GRIP1: variants seen among roughly 807,000 people sequenced by gnomAD.
GRIP1 encodes the protein glutamate receptor interacting protein 1.
In GRIP1, 45 loss-of-function variants were observed where a neutral mutation model predicts 129.9. That is an observed-to-expected ratio of 0.35 (90% CI 0.27 to 0.44). The LOEUF (loss-of-function observed/expected upper bound fraction) is 0.44. Among genes scored for constraint, GRIP1 ranks in the 20% least tolerant of loss-of-function variants. The probability of loss-of-function intolerance (pLI) is 1.00; values close to 1 mark genes in which losing one functional copy is unlikely to be tolerated. For missense variants in GRIP1, 1,196 were observed against 1,396.8 expected (o/e 0.86, Z 2.29); for synonymous variants, 530 against 520.8 (o/e 1.02, Z -0.24).
intron 1 of GRIP1, among the ~76,000 whole-genome samples, chr12:66,685,014 CT>C (rs1337413155): frequency 6.6e-6 from 1 of 152,148 alleles, no homozygotes; most frequent in African/African-American, 2.4e-5. Flanking sequence ...CTTCCATGAG[CT>C]CACTACATCA....
At chr12:66,525,141 A>G (rs1382162791) in intron 5 of GRIP1, among the ~76,000 whole-genome samples, 1 of 152,242 alleles carries the variant, frequency 6.6e-6, no homozygotes, top group East Asian at 1.9e-4. Context: ...AATTATTCCA[A>G]TCAATAGAAA....
intron 23 of GRIP1, among the ~76,000 whole-genome samples, chr12:66,368,711 C>T (rs1166929602): frequency 6.6e-6 from 1 of 152,180 alleles, no homozygotes; most frequent in Non-Finnish European, 1.5e-5. Flanking sequence ...TAGTAGTACC[C>T]CAGGGGAAGA....
intron 1 of GRIP1, among the ~76,000 whole-genome samples, chr12:66,905,989 G>A (rs765323808): frequency 1.3e-5 from 2 of 151,838 alleles, no homozygotes; most frequent in Non-Finnish European, 2.9e-5. Flanking sequence ...TTCTCGATGT[G>A]TAAAACAAAA....
intron 1 of GRIP1, among the ~76,000 whole-genome samples, chr12:66,734,188 T>C (rs903006558): frequency 6.6e-6 from 1 of 152,204 alleles, no homozygotes; most frequent in Admixed American, 6.5e-5. Context: ...ATCATTAAGG[T>C]TGTGTCAGCA....
intron 1 of GRIP1, among the ~76,000 whole-genome samples, chr12:66,917,857 C>A (rs1366229347): frequency 6.6e-6 from 1 of 152,054 alleles, no homozygotes; most frequent in Non-Finnish European, 1.5e-5. Flanking sequence ...TTACACTCCG[C>A]CATCTATCTC....
intron 1 of GRIP1, among the ~76,000 whole-genome samples, chr12:66,978,853 C>A (rs1054991526): frequency 1.3e-5 from 2 of 152,096 alleles, no homozygotes; most frequent in African/African-American, 4.8e-5. Flanking sequence ...TAACCAAGTT[C>A]TTTCTTAAAT....
chr12:66,966,137 A>G (rs2041995830), intron 1 of GRIP1, among the ~76,000 whole-genome samples: 1 of 152,208 alleles, frequency 6.6e-6, no homozygotes, highest in African/African-American at 2.4e-5. Context: ...TATATTTATA[A>G]GGAGAAATCA....
chr12:66,824,860 A>G (rs1307258261), intron 1 of GRIP1, among the ~76,000 whole-genome samples: 1 of 152,204 alleles, frequency 6.6e-6, no homozygotes, highest in Non-Finnish European at 1.5e-5. Context: ...ACAAAATCAT[A>G]TAATAAAAAA....
At chr12:67,066,888 T>TATATATATATATATATA (rs2043635570) in intron 1 of GRIP1, among the ~76,000 whole-genome samples, 4 of 125,660 alleles carry the variant, frequency 3.2e-5, no homozygotes, top group Non-Finnish European at 6.6e-5. Flanking sequence ...AAATATATAT[T>TATATATATATATATATA]TATATATATA....
intron 1 of GRIP1, among the ~76,000 whole-genome samples, chr12:66,826,912 G>A (rs1301938787): frequency 3.3e-5 from 5 of 151,972 alleles, no homozygotes; most frequent in African/African-American, 7.3e-5. Context: ...ATCAAAGAGA[G>A]TATTGGTAGA....
At chr12:67,023,877 C>A (rs141826007) in intron 1 of GRIP1, among the ~76,000 whole-genome samples, 1 of 152,106 alleles carries the variant, frequency 6.6e-6, no homozygotes. Context: ...AGCTAGTTCC[C>A]TCTTTTATAT....
intron 15 of GRIP1, among the ~76,000 whole-genome samples, chr12:66,408,128 G>A (rs971598198): frequency 2.6e-5 from 4 of 152,196 alleles, no homozygotes; most frequent in African/African-American, 9.7e-5. Flanking sequence ...TGAAGGGAAG[G>A]ACCCAGTCCT....
At chr12:66,999,924 G>A (rs773500634) in intron 1 of GRIP1, among the ~76,000 whole-genome samples, 3 of 152,034 alleles carry the variant, frequency 2.0e-5, no homozygotes, top group Non-Finnish European at 2.9e-5. Context: ...TTTTTCTCAC[G>A]CTGTTCTCCT....
intron 2 of GRIP1, among the ~76,000 whole-genome samples, chr12:66,580,249 T>C (rs2063321527): frequency 6.6e-6 from 1 of 150,564 alleles, no homozygotes; most frequent in Non-Finnish European, 1.5e-5. Flanking sequence ...AAAGAGCTCC[T>C]GAAGGAAGCA....
chr12:66,392,855 C>A, intron 17 of GRIP1, 39 bp from the exon 18 acceptor site: 3 of 1,589,396 alleles, frequency 1.9e-6, no homozygotes, highest in Non-Finnish European at 2.6e-6. Flanking sequence ...TAGAAATAAT[C>A]CCTGTATGGT....
chr12:66,904,886 G>A (rs1365174113), intron 1 of GRIP1, among the ~76,000 whole-genome samples: 2 of 135,278 alleles, frequency 1.5e-5, no homozygotes, highest in East Asian at 2.4e-4. Context: ...ATGAGACTCC[G>A]TCTCAAAAAA....
At chr12:66,474,873 C>G (rs1425836732) in intron 7 of GRIP1, among the ~76,000 whole-genome samples, 1 of 152,182 alleles carries the variant, frequency 6.6e-6, no homozygotes, top group East Asian at 1.9e-4. Context: ...ACTGCAAAAA[C>G]ATGCCAAATT....
chr12:66,815,854 T>TTCTTTCTTTCTTTCTTTCTC (rs1555241802), intron 1 of GRIP1, among the ~76,000 whole-genome samples: 2,180 of 116,652 alleles, frequency 0.019, 34 homozygotes, highest in East Asian at 0.032. Flanking sequence ...CTTTCTTTCT[T>TTCTTTCTTTCTTTCTTTCTC]TCTCTCTCTC....
intron 1 of GRIP1, among the ~76,000 whole-genome samples, chr12:67,032,409 A>G (rs964129544): frequency 3.9e-5 from 6 of 152,136 alleles, no homozygotes; most frequent in Admixed American, 3.3e-4. Context: ...ACTCTTACCT[A>G]CAATAATAGA....
Sources: allele counts gnomAD v4.1 joint callset (sites outside exome capture counted in the v4.1 genomes callset), GRCh38; gene constraint gnomAD v4.1.1; transcripts MANE v1.5; gene names NCBI Gene and HGNC (gene_info 2026-07-23, HGNC 2026-07-21).